The following CAMK2D variants were observed in gnomAD, a reference collection of about 807,000 sequenced individuals.
The protein encoded by CAMK2D is calcium/calmodulin dependent protein kinase II delta, also known as calcium/calmodulin-dependent protein kinase type II subunit delta.
A neutral mutation model predicts 84.0 loss-of-function variants in CAMK2D; 37 were observed. The ratio of observed to expected loss-of-function variants is 0.44; its 90% CI spans 0.34 to 0.58. The LOEUF (loss-of-function observed/expected upper bound fraction) is 0.58. Ranked by LOEUF, CAMK2D falls within the 20% of genes least tolerant of loss-of-function variation. The probability of loss-of-function intolerance (pLI) is 0.02; values close to 1 mark genes in which losing one functional copy is unlikely to be tolerated. For missense variants in CAMK2D, 448 were observed against 652.5 expected, an observed-to-expected ratio of 0.69 and a Z score of 3.41; for synonymous variants, 202 against 212.5, an observed-to-expected ratio of 0.95 and a Z score of 0.43.
intron 2 of CAMK2D, among the ~76,000 whole-genome samples, chr4:113,667,461 C>T (rs1056060413): frequency 4.6e-5 from 7 of 152,134 alleles, no homozygotes; most frequent in South Asian, 4.1e-4. Context: ...GCATGGATTC[C>T]GGAGCACTAT....
chr4:113,478,855 A>G (rs1014806731), intron 16 of CAMK2D, among the ~76,000 whole-genome samples: 5 of 152,332 alleles, frequency 3.3e-5, no homozygotes, highest in Middle Eastern at 3.4e-3. Context: ...CAATTGTAAA[A>G]AAAATGACAT....
intron 4 of CAMK2D, among the ~76,000 whole-genome samples, chr4:113,554,676 T>G (rs2098652252): frequency 6.6e-6 from 1 of 152,202 alleles, no homozygotes; most frequent in South Asian, 2.1e-4. Flanking sequence ...GCTACTGAAT[T>G]TTCTAACTTT....
At chr4:113,474,234 G>C (rs1313179826) in intron 16 of CAMK2D, among the ~76,000 whole-genome samples, 1 of 152,166 alleles carries the variant, frequency 6.6e-6, no homozygotes, top group African/African-American at 2.4e-5. Context: ...TGATGACATG[G>C]AAGAAAAAGA....
intron 2 of CAMK2D, among the ~76,000 whole-genome samples, chr4:113,742,705 C>T (rs2099595834): frequency 6.6e-6 from 1 of 151,908 alleles, no homozygotes; most frequent in Non-Finnish European, 1.5e-5. Flanking sequence ...AAACCAAAAG[C>T]CCCAATCGTC....
chr4:113,742,590 G>A (rs2099595554), intron 2 of CAMK2D, among the ~76,000 whole-genome samples: 1 of 150,892 alleles, frequency 6.6e-6, no homozygotes, highest in Non-Finnish European at 1.5e-5. Flanking sequence ...TTTCCTCAAG[G>A]AGCAAAGTAA....
At chr4:113,655,890 C>T (rs1009550852) in intron 3 of CAMK2D, among the ~76,000 whole-genome samples, 1 of 152,026 alleles carries the variant, frequency 6.6e-6, no homozygotes, top group Non-Finnish European at 1.5e-5. Flanking sequence ...GTTATCTGAG[C>T]TTCACCATAA....
intron 3 of CAMK2D, among the ~76,000 whole-genome samples, chr4:113,614,541 C>T (rs1052868259): frequency 1.3e-5 from 2 of 152,122 alleles, no homozygotes; most frequent in African/African-American, 4.8e-5. Flanking sequence ...GATTGGAAGA[C>T]AAGAGGCCAC....
chr4:113,737,527 T>C (rs1448118186), intron 2 of CAMK2D, among the ~76,000 whole-genome samples: 2 of 152,030 alleles, frequency 1.3e-5, no homozygotes, highest in African/African-American at 4.8e-5. Flanking sequence ...AGAGTTCTAG[T>C]GAAGGAAGAC....
chr4:113,634,058 T>C (rs1484064758), intron 3 of CAMK2D, among the ~76,000 whole-genome samples: 1 of 152,238 alleles, frequency 6.6e-6, no homozygotes, highest in Non-Finnish European at 1.5e-5. Flanking sequence ...ACTTTTGTGC[T>C]TTTTAGCACA....
At chr4:113,459,260 C>T (rs188735030) in intron 18 of CAMK2D, among the ~76,000 whole-genome samples, 31 of 152,050 alleles carry the variant, frequency 2.0e-4, no homozygotes, top group Admixed American at 3.3e-4. Flanking sequence ...GTTCTGTCAC[C>T]CAGGCAGGAG....
At chr4:113,638,913 A>G (rs775894667) in intron 3 of CAMK2D, among the ~76,000 whole-genome samples, 1 of 152,098 alleles carries the variant, frequency 6.6e-6, no homozygotes, top group Non-Finnish European at 1.5e-5. Flanking sequence ...GCAGCTAATA[A>G]CCTAGCTTTA....
chr4:113,588,065 CAA>C (rs2098842120), intron 4 of CAMK2D, among the ~76,000 whole-genome samples: 1 of 152,010 alleles, frequency 6.6e-6, no homozygotes, highest in Non-Finnish European at 1.5e-5. Context: ...AAAAAGCAAA[CAA>C]AAGAGTCTTT....
rs113191704 is a variant in CAMK2D, at chr4:113,517,196, T to C, written c.696+367A>G. The stretch of plus-strand genomic sequence containing the variant: ...TGATCACAGCAAAATATTGTTGGTA[T>C]ATAATATAAAATTATGTGATAGATA... On this transcript the variant is annotated intron_variant, in intron 9 of 20. Coordinates refer to ENST00000511664, the MANE Select transcript of CAMK2D (RefSeq NM_001321571.2). Among the ~76,000 whole-genome samples, 1,067 of 152,224 alleles carry C rather than the reference T, an allele frequency of 7.0e-3. 9 individuals carry two copies. Among genetic ancestry groups the C allele is most frequent in the African/African-American group, 0.019 (797 of 41,570 alleles).
chr4:113,717,595 C>A (rs561505439), intron 2 of CAMK2D, among the ~76,000 whole-genome samples: 1 of 151,874 alleles, frequency 6.6e-6, no homozygotes, highest in African/African-American at 2.4e-5. Flanking sequence ...AAGGCAAATA[C>A]CTTTTTGTGA....
intron 2 of CAMK2D, among the ~76,000 whole-genome samples, chr4:113,684,600 A>G (rs2099354351): frequency 6.6e-6 from 1 of 152,198 alleles, no homozygotes; most frequent in Non-Finnish European, 1.5e-5. Context: ...GCGTCTAGTC[A>G]CACTCTGAGA....
At chr4:113,546,772 T>C (rs1410762889) in intron 6 of CAMK2D, among the ~76,000 whole-genome samples, 2 of 152,238 alleles carry the variant, frequency 1.3e-5, no homozygotes, top group African/African-American at 4.8e-5. Flanking sequence ...CAGTAGTTTT[T>C]CTTTTCGATT....
chr4:113,622,106 T>C (rs2099048685), intron 3 of CAMK2D, among the ~76,000 whole-genome samples: 1 of 152,198 alleles, frequency 6.6e-6, no homozygotes, highest in Admixed American at 6.5e-5. Context: ...AATTTCCTGG[T>C]AAACAACCAT....
rs539280126 is a variant in CAMK2D, at chr4:113,734,628, C to CATTAGTGGAATA, written c.160+24691_160+24692insTATTCCACTAAT. Among the ~76,000 whole-genome samples the CATTAGTGGAATA allele has an allele frequency of 9.3e-3, 1,412 of 152,272 alleles. 28 individuals are homozygous for CATTAGTGGAATA. Among genetic ancestry groups the CATTAGTGGAATA allele is most frequent in the African/African-American group, 0.033 (1,353 of 41,556 alleles). On this transcript the variant is annotated intron_variant, in intron 2 of 20. Coordinates refer to ENST00000511664, the MANE Select transcript of CAMK2D (RefSeq NM_001321571.2). ...GGAGGTCCAAGCACTAATGCCCAAG[C>CATTAGTGGAATA]AGCTTCCTTATTCCAAGAACCAGCT...
intron 3 of CAMK2D, among the ~76,000 whole-genome samples, chr4:113,643,466 G>A (rs560661490): frequency 1.3e-5 from 2 of 152,296 alleles, no homozygotes; most frequent in South Asian, 4.1e-4. Flanking sequence ...ATAAAAGCAA[G>A]TCAAAAAACA....
Sources: gnomAD v4.1 joint callset for allele counts (sites outside exome capture counted in the v4.1 genomes callset) on GRCh38, gnomAD v4.1.1 for gene constraint, MANE v1.5 for transcripts, NCBI Gene and HGNC (gene_info 2026-07-23, HGNC 2026-07-21) for gene names.